ZNF236: variants seen among roughly 807,000 people sequenced by gnomAD.
The protein encoded by ZNF236 is zinc finger protein 236.
A neutral mutation model predicts 191.2 loss-of-function variants in ZNF236; 50 were observed. The ratio of observed to expected loss-of-function variants is 0.26; its 90% CI spans 0.21 to 0.33. The LOEUF is 0.33. Ranked by LOEUF, ZNF236 falls within the 10% of genes least tolerant of loss-of-function variation. The probability of loss-of-function intolerance (pLI) is 1.00; values close to 1 mark genes in which losing one functional copy is unlikely to be tolerated. For synonymous variants in ZNF236, 907 were observed against 928.8 expected, an observed-to-expected ratio of 0.98 and a Z score of 0.43; for missense variants, 1,754 against 2,374.5, an observed-to-expected ratio of 0.74 and a Z score of 5.43.
intron 27 of ZNF236, among the ~76,000 whole-genome samples, chr18:76,948,366 T>C (rs537311822): frequency 2.6e-5 from 4 of 152,340 alleles, no homozygotes; most frequent in Non-Finnish European, 5.9e-5. Flanking sequence ...GCACTGGGGA[T>C]GTCCTGCAGT....
At chr18:76,824,134 A>C in intron 1 of ZNF236, 1 of 591,250 alleles carries the variant, frequency 1.7e-6, no homozygotes, top group Middle Eastern at 2.8e-4. Context: ...TGACCAAACA[A>C]CACAGGTGCC....
At chr18:76,853,539 G>A (rs1232980378) in intron 3 of ZNF236, among the ~76,000 whole-genome samples, 2 of 152,052 alleles carry the variant, frequency 1.3e-5, no homozygotes, top group Non-Finnish European at 2.9e-5. Context: ...ACCCATAGTG[G>A]ACTTTAACAA....
At chr18:76,895,435 C>G in intron 10 of ZNF236, 150 bp downstream of exon 10, 1 of 1,092,566 alleles carries the variant, frequency 9.2e-7, no homozygotes, top group South Asian at 1.6e-5. Context: ...AAGTATCACA[C>G]ACAGTACTGC....
chr18:76,851,811 G>A lies in ZNF236; in HGVS notation c.235G>A (p.Val79Ile), dbSNP rs1975881410. The change falls in exon 3 of 31, where the codon GTT becomes ATT. Residue 79 changes from valine (V) to isoleucine (I), a missense_variant. Transcript: ENST00000320610. ...TGACCAGTGCCCCCAAACATTTAAT[G>A]TTGAATTCAACCTGACACTTCATAA... ...RCDQCPQTFNVEFNLTLHKCT... is the reference protein window; with the variant it reads ...RCDQCPQTFNIEFNLTLHKCT... 1.2e-6 allele frequency: 2 copies of A among 1,613,820 alleles called. No individual in the cohort carries two copies. Among genetic ancestry groups the A allele is most frequent in the Non-Finnish European group, 8.5e-7 (1 of 1,179,874 alleles).
Position 76,919,681 on chromosome 18 carries a change from T to A in ZNF236, c.3275-95T>A. 7.1e-7 allele frequency: 1 copy of A among 1,408,126 alleles called. No individual in the cohort carries two copies. The highest frequency in any genetic ancestry group is 9.7e-7 in the Non-Finnish European group (1 of 1,029,414). The allele number at this position is 1,408,126 out of a possible 1,614,324, so 87.2% of individuals were successfully genotyped here. On this transcript the variant is annotated intron_variant, in intron 19 of 30. Transcript: ENST00000320610. The surrounding 1 kb of genome is among the most constrained non-coding windows in gnomAD (Gnocchi z 5.3). ...AATAGCTTGGTTGAGTTATTAATTT[T>A]CATTACATACATACCTATTTAGTTT...
chr18:76,920,885 C>G (rs138999442), intron 20 of ZNF236, among the ~76,000 whole-genome samples: 2 of 152,194 alleles, frequency 1.3e-5, no homozygotes, highest in Non-Finnish European at 2.9e-5. Flanking sequence ...AATGTCCTTC[C>G]TTTCTGGAGA....
intron 4 of ZNF236, 95 bp from the exon 5 acceptor site, chr18:76,871,606 C>T: frequency 6.7e-7 from 1 of 1,482,190 alleles, no homozygotes; most frequent in South Asian, 1.2e-5. Context: ...GTTCTGATGA[C>T]TAGTCAGCCA....
In ZNF236 at chr18:76,852,961, C is replaced by T. The variant is rs570869499; in HGVS notation, c.363+1022C>T. Among the ~76,000 whole-genome samples the T allele has an allele frequency of 3.9e-5, 6 of 152,332 alleles. No homozygotes were observed. In the South Asian group the frequency reaches 8.3e-4, roughly 21 times the overall value. The stretch of plus-strand genomic sequence containing the variant: ...GAACTGCAACTCCCTGTCAGCCACA[C>T]GCTTTTGGCTTGTGATATTTCCAAT... On this transcript the variant is annotated intron_variant, in intron 3 of 30. Coordinates refer to ENST00000320610, the MANE Select transcript of ZNF236 (RefSeq NM_001306089.2).
In ZNF236 at chr18:76,905,479, G is replaced by A. The variant is rs73488914; in HGVS notation, c.2297+64G>A. The stretch of plus-strand genomic sequence containing the variant: ...TAATTTCCAGTAGATGGTGGGGAGT[G>A]TTTTTAGGAAATAATTGTCTTTGAT... On this transcript the variant is annotated intron_variant, in intron 13 of 30. Transcript: ENST00000320610. 6.9e-3 allele frequency: 10,057 copies of A among 1,457,484 alleles called. 132 individuals carry two copies. The highest frequency in any genetic ancestry group is 0.06 in the African/African-American group (4,108 of 68,768). 90.3% of individuals were successfully genotyped at this position (1,457,484 alleles called of 1,614,324 possible). A position where few individuals can be genotyped will look rare whatever the true frequency, so the allele number is the denominator to read the frequency against.
At chr18:76,834,410 G>A (rs1426019192) in intron 1 of ZNF236, 5 of 170,324 alleles carry the variant, frequency 2.9e-5, no homozygotes, top group South Asian at 1.6e-4. Context: ...TTTAATGAAA[G>A]CTTGTATATA....
At chr18:76,941,829 A>G (rs187006176) in intron 26 of ZNF236, among the ~76,000 whole-genome samples, 63 of 152,380 alleles carry the variant, frequency 4.1e-4, no homozygotes, top group Non-Finnish European at 7.5e-4. Context: ...AAAATATCCA[A>G]TAGAAATTGT....
At chr18:76,890,444 A>G (rs4890866) in intron 9 of ZNF236, among the ~76,000 whole-genome samples, 36,071 of 152,154 alleles carry the variant, frequency 0.24, 5,364 homozygotes, top group East Asian at 0.33. Flanking sequence ...CTTGATAACA[A>G]ATGAAAAGGA....
At chr18:76,876,611 A>G (rs1976723516) in intron 6 of ZNF236, among the ~76,000 whole-genome samples, 1 of 152,242 alleles carries the variant, frequency 6.6e-6, no homozygotes, top group Non-Finnish European at 1.5e-5. Context: ...TCCATGTTCA[A>G]TGAGTTAATC....
chr18:76,841,694 C>CTTTTTT (rs371645927), intron 1 of ZNF236, among the ~76,000 whole-genome samples: 2 of 128,804 alleles, frequency 1.6e-5, no homozygotes, highest in Non-Finnish European at 3.3e-5. Flanking sequence ...TTTTTTTTTT[C>CTTTTTT]TTTTTTTTTT....
chr18:76,920,551 CAAA>C (rs36013690), intron 20 of ZNF236, among the ~76,000 whole-genome samples: 2 of 142,162 alleles, frequency 1.4e-5, no homozygotes, highest in African/African-American at 2.6e-5. Context: ...AACTCCGTCT[CAAA>C]AAAAAAAAAA....
intron 27 of ZNF236, among the ~76,000 whole-genome samples, chr18:76,954,815 G>A (rs891099367): frequency 6.6e-6 from 1 of 152,220 alleles, no homozygotes; most frequent in Admixed American, 6.5e-5. Flanking sequence ...AATGACACCA[G>A]TCCCTGCACA....
intron 16 of ZNF236, among the ~76,000 whole-genome samples, chr18:76,911,496 C>G (rs1482903369): frequency 1.3e-5 from 2 of 152,202 alleles, no homozygotes; most frequent in African/African-American, 2.4e-5. Flanking sequence ...CTCCAGAGCT[C>G]TCTAAATAAA....
chr18:76,942,760 C>T (rs537122712), intron 26 of ZNF236, among the ~76,000 whole-genome samples: 64 of 150,930 alleles, frequency 4.2e-4, no homozygotes, highest in African/African-American at 1.4e-3. Flanking sequence ...GTGATCCGCC[C>T]GCCTTGGCCT....
At chr18:76,895,781 G>A (rs781166593) in intron 10 of ZNF236, among the ~76,000 whole-genome samples, 1 of 144,084 alleles carries the variant, frequency 6.9e-6, no homozygotes, top group Non-Finnish European at 1.5e-5. Context: ...ACATAGTACT[G>A]CACATAGTAC....
Sources: allele counts gnomAD v4.1 joint callset (sites outside exome capture counted in the v4.1 genomes callset), GRCh38; gene constraint gnomAD v4.1.1; non-coding constraint Gnocchi (gnomAD v3.1); transcripts MANE v1.5; gene names NCBI Gene and HGNC (gene_info 2026-07-23, HGNC 2026-07-21).